PDE4D: variants seen among roughly 807,000 people sequenced by gnomAD.
PDE4D encodes the protein 3',5'-cyclic-AMP phosphodiesterase 4D.
In PDE4D, 24 loss-of-function variants were observed where a neutral mutation model predicts 87.4. The observed-to-expected ratio is 0.27, with a 90% CI of 0.20 to 0.39. PDE4D has a LOEUF of 0.39. Among genes scored for constraint, PDE4D ranks in the 10% least tolerant of loss-of-function variants. The pLI is 1.00. For missense variants in PDE4D, 714 were observed against 1,041.0 expected (o/e 0.69, Z 4.32); for synonymous variants, 384 against 383.2 (o/e 1.00, Z -0.02).
At chr5:59,908,219 C>G (rs576233881) in intron 3 of PDE4D, among the ~76,000 whole-genome samples, 1 of 151,968 alleles carries the variant, frequency 6.6e-6, no homozygotes, top group East Asian at 1.9e-4. Flanking sequence ...CTCAAATGAA[C>G]TATGAAGGCA....
chr5:59,669,711 T>A (rs1318770146), intron 1 of PDE4D, among the ~76,000 whole-genome samples: 1 of 152,198 alleles, frequency 6.6e-6, no homozygotes, highest in African/African-American at 2.4e-5. Context: ...CATATTTTGA[T>A]GTTACAATAT....
chr5:59,481,904 GAA>G (rs1804329483), intron 1 of PDE4D, among the ~76,000 whole-genome samples: 1 of 151,672 alleles, frequency 6.6e-6, no homozygotes, highest in East Asian at 1.9e-4. Flanking sequence ...AATATTTAGA[GAA>G]AGAGCCAAAA....
At chr5:59,886,449 G>A (rs1581596917) in intron 1 of PDE4D, among the ~76,000 whole-genome samples, 2 of 151,922 alleles carry the variant, frequency 1.3e-5, no homozygotes, top group Admixed American at 1.3e-4. Context: ...CCCGGTAGGC[G>A]GAGCTTGCAG....
intron 1 of PDE4D, among the ~76,000 whole-genome samples, chr5:59,453,596 C>T (rs1799478311): frequency 6.6e-6 from 1 of 152,152 alleles, no homozygotes; most frequent in African/African-American, 2.4e-5. Flanking sequence ...TCAAACCAGC[C>T]ACAACATTCC....
intron 1 of PDE4D, among the ~76,000 whole-genome samples, chr5:59,686,604 A>T (rs73758850): frequency 0.085 from 13,005 of 152,256 alleles, 1,731 homozygotes; most frequent in African/African-American, 0.29. Flanking sequence ...GCAGCTGTTC[A>T]ATAATATCTG....
chr5:58,991,002 C>T (rs574217013), intron 8 of PDE4D, 100 bp from the exon 9 acceptor site: 1 of 703,076 alleles, frequency 1.4e-6, no homozygotes, highest in East Asian at 2.7e-5. Flanking sequence ...CTTAGGTGGC[C>T]GGGCATAGAG....
In PDE4D at chr5:59,676,600, CTG is replaced by C. The variant is rs537280845; in HGVS notation, c.455+216566_455+216567del. ...TATTCATTTTAAATCTCAAACTATGCTGTGTTTCATAAGGAAATCAAAGGATA... is the reference window on the plus strand; with the variant it reads ...TATTCATTTTAAATCTCAAACTATGCTGTTTCATAAGGAAATCAAAGGATA... On this transcript the variant is annotated intron_variant, in intron 1 of 14. Transcript: ENST00000340635. Among the ~76,000 whole-genome samples the C allele has an allele frequency of 2.6e-5, 4 of 152,232 alleles. No homozygotes were observed. The South Asian group carries it at 8.3e-4, about 32-fold the overall frequency.
Position 59,399,855 on chromosome 5 carries a change from G to C in PDE4D, c.456-183887C>G, listed in dbSNP as rs1481864280. Among the ~76,000 whole-genome samples the C allele has an allele frequency of 5.3e-4, 60 of 112,292 alleles. 11 individuals carry two copies. The highest frequency in any genetic ancestry group is 6.1e-4 in the Admixed American group (7 of 11,472). 73.7% of individuals were successfully genotyped at this position (112,292 alleles called of 152,430 possible). ...TCATCTGACAAATGGCTAATATCCA[G>C]AATCTACAATGAACTCAAACAAATT... On this transcript the variant is annotated intron_variant, in intron 1 of 14. Transcript: ENST00000340635.
intron 2 of PDE4D, among the ~76,000 whole-genome samples, chr5:60,157,846 T>C (rs1420177157): frequency 6.6e-6 from 1 of 152,014 alleles, no homozygotes; most frequent in Non-Finnish European, 1.5e-5. Flanking sequence ...AATGAACCAT[T>C]CTTTTCTTTT....
intron 5 of PDE4D, among the ~76,000 whole-genome samples, chr5:59,170,962 A>G (rs558650376): frequency 6.6e-6 from 1 of 151,274 alleles, no homozygotes; most frequent in Admixed American, 6.6e-5. Context: ...GCTCACTGTA[A>G]CCTCTGCCTC....
intron 5 of PDE4D, among the ~76,000 whole-genome samples, chr5:59,116,481 T>C (rs1773634392): frequency 6.6e-6 from 1 of 152,148 alleles, no homozygotes; most frequent in South Asian, 2.1e-4. Flanking sequence ...GGTACACGTA[T>C]ATTTTACTAC....
intron 1 of PDE4D, among the ~76,000 whole-genome samples, chr5:59,393,785 C>T (rs1788721219): frequency 6.6e-6 from 1 of 152,170 alleles, no homozygotes; most frequent in Non-Finnish European, 1.5e-5. Flanking sequence ...AGGGCAGGTG[C>T]CAGGTACAGC....
chr5:59,102,481 T>C (rs758031318), intron 5 of PDE4D, among the ~76,000 whole-genome samples: 6 of 152,124 alleles, frequency 3.9e-5, no homozygotes, highest in Non-Finnish European at 7.4e-5. Flanking sequence ...TTTTAATAAA[T>C]CAAATACCTT....
intron 1 of PDE4D, among the ~76,000 whole-genome samples, chr5:59,631,274 T>G (rs1168757503): frequency 1.3e-5 from 2 of 152,134 alleles, no homozygotes. Context: ...AGCTAGTAAG[T>G]GCCAGAGAGT....
chr5:60,170,701 T>C (rs572845492), intron 2 of PDE4D, among the ~76,000 whole-genome samples: 68 of 152,012 alleles, frequency 4.5e-4, no homozygotes, highest in African/African-American at 1.5e-3. Context: ...AACACGATAA[T>C]GACATAGATG....
intron 1 of PDE4D, among the ~76,000 whole-genome samples, chr5:60,432,260 T>C (rs1176695043): frequency 6.6e-6 from 1 of 152,212 alleles, no homozygotes; most frequent in Non-Finnish European, 1.5e-5. Flanking sequence ...AGGATGATGC[T>C]GGCCTCATAG....
chr5:59,371,520 A>T (rs2153598631), intron 1 of PDE4D, among the ~76,000 whole-genome samples: 1 of 152,260 alleles, frequency 6.6e-6, no homozygotes, highest in African/African-American at 2.4e-5. Flanking sequence ...CTACTGTATC[A>T]TCAAATATTT....
rs112790411 is a variant in PDE4D, at chr5:59,977,437, C to T, written c.272+11051G>A. On this transcript the variant is annotated intron_variant, in intron 3 of 16. Coordinates refer to the PDE4D transcript ENST00000502484. ...GTCTGAGAGAGTTAAGGACTGCAGA[C>T]GAAAAGTTGGATGCCAGCAGAGGGT... 1.2e-3 allele frequency among the ~76,000 whole-genome samples: 187 copies of T among 152,140 alleles called. 1 individual carries two copies. Among genetic ancestry groups the T allele is most frequent in the African/African-American group, 4.2e-3 (173 of 41,512 alleles).
chr5:60,048,207 C>T (rs557587166), intron 2 of PDE4D, among the ~76,000 whole-genome samples: 94 of 151,402 alleles, frequency 6.2e-4, no homozygotes, highest in African/African-American at 1.8e-3. Context: ...TTTTTGTTTT[C>T]CATTTGCTTG....
Sources: allele counts gnomAD v4.1 joint callset (sites outside exome capture counted in the v4.1 genomes callset), GRCh38; gene constraint gnomAD v4.1.1; transcripts MANE v1.5; gene names NCBI Gene and HGNC (gene_info 2026-07-23, HGNC 2026-07-21).